OSBPL9: variants seen among roughly 807,000 people sequenced by gnomAD.
OSBPL9 encodes the protein oxysterol binding protein like 9.
OSBPL9 carries 40 observed loss-of-function variants against 106.6 expected under a neutral mutation model. That is an observed-to-expected ratio of 0.38 (90% CI 0.29 to 0.49). OSBPL9 has a LOEUF of 0.49. Among genes scored for constraint, OSBPL9 ranks in the 20% least tolerant of loss-of-function variants. OSBPL9 has a pLI of 0.97. For synonymous variants in OSBPL9, 269 were observed against 295.4 expected, an observed-to-expected ratio of 0.91 and a Z score of 0.92; for missense variants, 609 against 887.2, an observed-to-expected ratio of 0.69 and a Z score of 3.98.
chr1:51,748,689 TAAA>T (rs933859199), intron 7 of OSBPL9, among the ~76,000 whole-genome samples: 1 of 152,046 alleles, frequency 6.6e-6, no homozygotes, highest in Non-Finnish European at 1.5e-5. Flanking sequence ...TTTCATATTT[TAAA>T]AAAAATAATT....
At chr1:51,702,748 G>A (rs1657583863) in intron 3 of OSBPL9, among the ~76,000 whole-genome samples, 1 of 152,134 alleles carries the variant, frequency 6.6e-6, no homozygotes, top group Non-Finnish European at 1.5e-5. Context: ...TATTGCCTAG[G>A]TTTTCTTCTG....
chr1:51,528,476 G>A, the OSBPL9 span, among the ~76,000 whole-genome samples: 2 of 151,960 alleles, frequency 1.3e-5, no homozygotes, highest in African/African-American at 4.8e-5. Flanking sequence ...CCCAGGAGGC[G>A]GAGGTTGCAG....
upstream of OSBPL9, chr1:51,616,999 G>A: frequency 5.3e-6 from 8 of 1,505,452 alleles, no homozygotes; most frequent in Non-Finnish European, 7.1e-6. Context: ...TGCCGGCACC[G>A]CCCAGGACCC....
intron 8 of OSBPL9, 84 bp from the exon 9 acceptor site, chr1:51,756,236 A>C: frequency 8.5e-7 from 1 of 1,171,074 alleles, no homozygotes; most frequent in South Asian, 1.3e-5. Flanking sequence ...CTTACCTAGT[A>C]AATAAGCTTT....
intron 17 of OSBPL9, among the ~76,000 whole-genome samples, chr1:51,783,355 T>C (rs535270732): frequency 1.3e-5 from 2 of 150,934 alleles, no homozygotes; most frequent in African/African-American, 2.4e-5. Context: ...TCTTATTTTT[T>C]TTTTTTTTTT....
chr1:51,721,955 ATTGTACTAG>A (rs1479317144), intron 4 of OSBPL9, among the ~76,000 whole-genome samples: 2 of 152,242 alleles, frequency 1.3e-5, no homozygotes, highest in Non-Finnish European at 2.9e-5. Flanking sequence ...TGTTTCATGC[ATTGTACTAG>A]TTGTAGAGGA....
chr1:51,773,684 TA>T (rs1482820226), intron 14 of OSBPL9, among the ~76,000 whole-genome samples: 2 of 152,236 alleles, frequency 1.3e-5, no homozygotes, highest in Non-Finnish European at 2.9e-5. Context: ...ATTCCAGTGT[TA>T]TAGTCTTTGT....
chr1:51,623,930 T>A (rs972051414), intron 1 of OSBPL9, among the ~76,000 whole-genome samples: 5 of 152,094 alleles, frequency 3.3e-5, no homozygotes, highest in Non-Finnish European at 7.4e-5. Flanking sequence ...TGGTACTTTT[T>A]TTTTTTTGTC....
the OSBPL9 span, among the ~76,000 whole-genome samples, chr1:51,558,837 G>A: frequency 6.6e-6 from 1 of 152,176 alleles, no homozygotes; most frequent in South Asian, 2.1e-4. Context: ...ATTGGGTGAT[G>A]ACATTATGAC....
chr1:51,611,218 T>G (rs1643984933), intron 2 of OSBPL9, among the ~76,000 whole-genome samples: 1 of 152,054 alleles, frequency 6.6e-6, no homozygotes. Flanking sequence ...TGTTTCACTT[T>G]CTTGCTCTGT....
intron 12 of OSBPL9, among the ~76,000 whole-genome samples, chr1:51,770,211 G>A (rs779402578): frequency 6.6e-6 from 1 of 150,776 alleles, no homozygotes; most frequent in Non-Finnish European, 1.5e-5. Flanking sequence ...GTGCGATGTC[G>A]GCTTATTGCA....
intron 1 of OSBPL9, among the ~76,000 whole-genome samples, chr1:51,626,236 T>C (rs1029525564): frequency 1.3e-5 from 2 of 152,194 alleles, no homozygotes; most frequent in Admixed American, 6.6e-5. Context: ...TTCTCCCACC[T>C]ATTTTGATAT....
chr1:51,643,685 T>G (rs184812364), intron 1 of OSBPL9, among the ~76,000 whole-genome samples: 8 of 152,270 alleles, frequency 5.3e-5, no homozygotes, highest in Non-Finnish European at 1.0e-4. Flanking sequence ...TTTTGTTTTT[T>G]AATCGAAGAA....
intron 3 of OSBPL9, among the ~76,000 whole-genome samples, chr1:51,691,273 CTTTTTTTT>C (rs1005953851): frequency 9.2e-6 from 1 of 108,928 alleles, no homozygotes; most frequent in Admixed American, 1.0e-4. Flanking sequence ...CTTGCTGTAA[CTTTTTTTT>C]TTTTTTTTTT....
intron 3 of OSBPL9, among the ~76,000 whole-genome samples, chr1:51,704,428 A>G (rs924559984): frequency 1.3e-5 from 2 of 152,180 alleles, no homozygotes; most frequent in African/African-American, 4.8e-5. Flanking sequence ...TTATTTGCGT[A>G]GAGGTGTTTA....
chr1:51,523,475 CT>C, the OSBPL9 span, among the ~76,000 whole-genome samples: 9,642 of 148,770 alleles, frequency 0.065, 404 homozygotes, highest in Middle Eastern at 0.1. Flanking sequence ...TATTTTTAAT[CT>C]TTTTTTTTTA....
chr1:51,772,755 G>A, intron 14 of OSBPL9, 32 bp downstream of exon 14: 3 of 1,444,574 alleles, frequency 2.1e-6, no homozygotes, highest in Non-Finnish European at 2.9e-6. Context: ...GTCTGTGTGG[G>A]TATGTATGGA....
chr1:51,752,492 G>A (rs1272813235), intron 8 of OSBPL9: 1 of 455,530 alleles, frequency 2.2e-6, no homozygotes, highest in Non-Finnish European at 4.4e-6. Context: ...TTTATTGACT[G>A]TCTACCCTAG....
At chr1:51,599,477 A>G (rs997294130) in intron 2 of OSBPL9, among the ~76,000 whole-genome samples, 7 of 152,194 alleles carry the variant, frequency 4.6e-5, no homozygotes, top group African/African-American at 7.2e-5. Flanking sequence ...TGTTAAATGA[A>G]TAGATGAATT....
Sources: allele counts gnomAD v4.1 joint callset (sites outside exome capture counted in the v4.1 genomes callset), GRCh38; gene constraint gnomAD v4.1.1; transcripts MANE v1.5; gene names NCBI Gene and HGNC (gene_info 2026-07-23, HGNC 2026-07-21).